Variants in GALNTL6 observed in about 807,000 individuals in gnomAD.
The protein encoded by GALNTL6 is polypeptide N-acetylgalactosaminyltransferase like 6.
In GALNTL6, 46 loss-of-function variants were observed where a neutral mutation model predicts 73.7. The ratio of observed to expected loss-of-function variants is 0.62; its 90% CI spans 0.49 to 0.80. GALNTL6 has a LOEUF of 0.80. Ranked by LOEUF, GALNTL6 falls within the 30% of genes least tolerant of loss-of-function variation. GALNTL6 has a pLI of 0.00. For missense variants in GALNTL6, 604 were observed against 755.0 expected, an observed-to-expected ratio of 0.80 and a Z score of 2.34; for synonymous variants, 259 against 263.7, an observed-to-expected ratio of 0.98 and a Z score of 0.17.
chr4:172,692,099 A>G (rs544501898), intron 5 of GALNTL6, among the ~76,000 whole-genome samples: 1 of 152,254 alleles, frequency 6.6e-6, no homozygotes, highest in Non-Finnish European at 1.5e-5. Context: ...AGAAATGTGC[A>G]GAAAAAAAGA....
rs576363282 is a variant in GALNTL6 at position 172,146,374 on chromosome 4, A to C, written c.139-83282A>C. ...AACTATAGAAAGGCAAAAGAAAAGA[A>C]ATATAAAAGGCAAAAACAAAAAAAT... On this transcript the variant is annotated intron_variant, in intron 2 of 12. Transcript: ENST00000506823. Among the ~76,000 whole-genome samples, 26 of 152,346 alleles carry C rather than the reference A, an allele frequency of 1.7e-4. No individual in the cohort carries two copies. In the East Asian group the frequency reaches 3.5e-3, roughly 20 times the overall value.
chr4:172,579,628 C>A (rs550726656), intron 5 of GALNTL6, among the ~76,000 whole-genome samples: 44 of 152,256 alleles, frequency 2.9e-4, no homozygotes, highest in African/African-American at 1.1e-3. Flanking sequence ...AAATAGTACC[C>A]TTAACTGGGA....
intron 2 of GALNTL6, among the ~76,000 whole-genome samples, chr4:171,956,355 G>A (rs1045077495): frequency 2.6e-5 from 4 of 151,944 alleles, no homozygotes; most frequent in African/African-American, 9.7e-5. Flanking sequence ...ATACTCCCTA[G>A]ACATATATCT....
intron 2 of GALNTL6, among the ~76,000 whole-genome samples, chr4:171,829,067 A>G (rs1734897708): frequency 6.6e-6 from 1 of 152,192 alleles, no homozygotes; most frequent in African/African-American, 2.4e-5. Flanking sequence ...GGTCAAAAGT[A>G]GGCTATTAGT....
At chr4:172,817,018 G>C (rs896140431) in intron 7 of GALNTL6, among the ~76,000 whole-genome samples, 16 of 150,226 alleles carry the variant, frequency 1.1e-4, no homozygotes, top group African/African-American at 3.7e-4. Context: ...TGAGGCAGGA[G>C]AATTGCTTGA....
At chr4:172,158,245 C>T (rs1205101738) in intron 2 of GALNTL6, among the ~76,000 whole-genome samples, 6 of 151,958 alleles carry the variant, frequency 3.9e-5, no homozygotes, top group Admixed American at 2.6e-4. Context: ...TACGTGGCAG[C>T]ACTTCCCCTC....
intron 7 of GALNTL6, among the ~76,000 whole-genome samples, chr4:172,882,191 G>A (rs975659347): frequency 1.3e-5 from 2 of 152,070 alleles, no homozygotes; most frequent in African/African-American, 4.8e-5. Context: ...GGCAGAGAAG[G>A]CCTAAAAAGA....
At chr4:172,347,253 G>A (rs1741779960) in intron 4 of GALNTL6, among the ~76,000 whole-genome samples, 1 of 152,092 alleles carries the variant, frequency 6.6e-6, no homozygotes, top group Admixed American at 6.6e-5. Flanking sequence ...GCCTCCCAAA[G>A]TGCCGGGATT....
At chr4:172,348,749 A>G (rs1319537061) in intron 5 of GALNTL6, 60 bp downstream of exon 5, 2 of 1,159,110 alleles carry the variant, frequency 1.7e-6, no homozygotes, top group Non-Finnish European at 2.4e-6. Context: ...ATCATTAAGG[A>G]CTTTTTAAAA....
intron 5 of GALNTL6, among the ~76,000 whole-genome samples, chr4:172,661,308 C>G (rs61077359): frequency 0.13 from 20,016 of 152,230 alleles, 1,578 homozygotes; most frequent in East Asian, 0.25. Flanking sequence ...CAACTCACCC[C>G]TGGGTCTCCA....
intron 5 of GALNTL6, among the ~76,000 whole-genome samples, chr4:172,638,780 A>G (rs1409030977): frequency 6.6e-6 from 1 of 152,154 alleles, no homozygotes; most frequent in African/African-American, 2.4e-5. Flanking sequence ...TTACTATGGA[A>G]TTTAATCTAG....
At chr4:172,248,001 G>T (rs1181313040) in intron 3 of GALNTL6, among the ~76,000 whole-genome samples, 1 of 151,944 alleles carries the variant, frequency 6.6e-6, no homozygotes, top group Non-Finnish European at 1.5e-5. Context: ...AAAGAAATTT[G>T]TAGTCTTTTT....
intron 5 of GALNTL6, among the ~76,000 whole-genome samples, chr4:172,463,554 A>G (rs1344798927): frequency 6.6e-6 from 1 of 152,198 alleles, no homozygotes; most frequent in Admixed American, 6.5e-5. Flanking sequence ...TATGCCATGC[A>G]CTGTACTAGA....
chr4:172,934,891 A>T (rs762642518), intron 9 of GALNTL6, among the ~76,000 whole-genome samples: 1 of 152,196 alleles, frequency 6.6e-6, no homozygotes, highest in Admixed American at 6.5e-5. Flanking sequence ...CTTCATTCCA[A>T]CAGGTTTTTA....
rs913272428 is a variant in GALNTL6 at position 172,453,569 on chromosome 4, A to G, written c.553+104880A>G. On this transcript the variant is annotated intron_variant, in intron 5 of 12. Transcript: ENST00000506823. ...GAGGCACATACAACTCTGATCAACA[A>G]GGAATATTTGCAGTCTACTTAATCC... Among the ~76,000 whole-genome samples, 11 of 152,216 alleles carry G rather than the reference A, an allele frequency of 7.2e-5. No homozygotes were observed. The East Asian group carries it at 2.1e-3, about 29-fold the overall frequency.
At chr4:171,920,043 G>A (rs981084834) in intron 2 of GALNTL6, among the ~76,000 whole-genome samples, 2 of 152,138 alleles carry the variant, frequency 1.3e-5, no homozygotes, top group Non-Finnish European at 2.9e-5. Context: ...TTAAGAAAAT[G>A]TGGCACATAT....
At chr4:172,774,844 C>T (rs1738980467) in intron 5 of GALNTL6, among the ~76,000 whole-genome samples, 2 of 152,018 alleles carry the variant, frequency 1.3e-5, no homozygotes, top group South Asian at 4.2e-4. Flanking sequence ...CCTGTAGTCC[C>T]AGCTACTCGG....
At chr4:172,924,941 G>T (rs1747971103) in intron 8 of GALNTL6, among the ~76,000 whole-genome samples, 1 of 152,010 alleles carries the variant, frequency 6.6e-6, no homozygotes, top group East Asian at 1.9e-4. Context: ...GCGCGATCTC[G>T]GCTCACTGCA....
intron 2 of GALNTL6, among the ~76,000 whole-genome samples, chr4:172,143,531 T>C (rs182916340): frequency 1.3e-5 from 2 of 152,166 alleles, no homozygotes; most frequent in East Asian, 1.9e-4. Flanking sequence ...TTTTGCACCA[T>C]ACTAACTTTG....
Sources: gnomAD v4.1 joint callset for allele counts (sites outside exome capture counted in the v4.1 genomes callset) on GRCh38, gnomAD v4.1.1 for gene constraint, MANE v1.5 for transcripts, NCBI Gene and HGNC (gene_info 2026-07-23, HGNC 2026-07-21) for gene names.